KAT6B: variants seen among roughly 807,000 people sequenced by gnomAD.
KAT6B encodes the protein lysine acetyltransferase 6B.
Under a neutral mutation model 187.5 loss-of-function variants are expected in KAT6B, and 10 were observed. The observed-to-expected ratio is 0.05, with a 90% CI of 0.03 to 0.09. The LOEUF (loss-of-function observed/expected upper bound fraction) is 0.09, where lower values mean the gene tolerates loss of function less well. Ranked by LOEUF, KAT6B falls within the 10% of genes least tolerant of loss-of-function variation. KAT6B has a pLI of 1.00. For synonymous variants in KAT6B, 861 were observed against 926.8 expected (o/e 0.93, Z 1.29); for missense variants, 1,952 against 2,558.9 (o/e 0.76, Z 5.12).
At chr10:74,968,607 A>C (rs114694999) in intron 4 of KAT6B, among the ~76,000 whole-genome samples, 20 of 152,296 alleles carry the variant, frequency 1.3e-4, no homozygotes, top group African/African-American at 4.6e-4. Context: ...GAAATTGCAG[A>C]ATCTGCTTTT....
At position 74,970,087 on chromosome 10, in the gene KAT6B, C is replaced by A; in HGVS notation, c.914C>A (p.Ser305Tyr). 1 of 1,610,400 alleles carries A rather than the reference C, an allele frequency of 6.2e-7. No individual in the cohort carries two copies. The highest frequency in any genetic ancestry group is 8.5e-7 in the Non-Finnish European group (1 of 1,176,768). ...FHMECCDPPLSRMPKGMWICQ... is the reference protein window; with the variant it reads ...FHMECCDPPLYRMPKGMWICQ... ...ATGGAATGCTGTGACCCACCACTTT[C>A]CAGAATGCCAAAAGGTGAACTTCTA... is the stretch of plus-strand genomic sequence containing the variant. Residue 305 changes from serine (S) to tyrosine (Y), a missense_variant, in exon 6 of 18, where the codon TCC (serine) becomes TAC (tyrosine). Physicochemically the swap from Ser to Tyr is moderately radical, Grantham distance 144 (BLOSUM62 -2). Transcript: ENST00000287239.
intron 3 of KAT6B, among the ~76,000 whole-genome samples, chr10:74,874,787 A>G (rs1310615117): frequency 6.6e-5 from 10 of 151,850 alleles, no homozygotes; most frequent in African/African-American, 9.7e-5. Flanking sequence ...TGTGAGATCT[A>G]TGTTTTGTGT....
intron 3 of KAT6B, among the ~76,000 whole-genome samples, chr10:74,892,932 G>A (rs1183209762): frequency 1.3e-5 from 2 of 152,260 alleles, no homozygotes; most frequent in African/African-American, 4.8e-5. Context: ...AGTGTATGGA[G>A]AGAGGACAGC....
intron 3 of KAT6B, among the ~76,000 whole-genome samples, chr10:74,929,646 G>A (rs962428903): frequency 5.9e-5 from 9 of 152,122 alleles, no homozygotes; most frequent in African/African-American, 2.2e-4. Flanking sequence ...GTTAATTAAT[G>A]GGAAAATATA....
At chr10:74,892,208 A>G (rs1373105564) in intron 3 of KAT6B, among the ~76,000 whole-genome samples, 2 of 152,160 alleles carry the variant, frequency 1.3e-5, no homozygotes, top group African/African-American at 2.4e-5. Context: ...TCTCTACACA[A>G]AGTAAACAAA....
At chr10:74,839,334 G>A (rs1278989132) in intron 2 of KAT6B, among the ~76,000 whole-genome samples, 4 of 151,064 alleles carry the variant, frequency 2.6e-5, no homozygotes, top group African/African-American at 4.9e-5. Context: ...GGGTTCAAGC[G>A]ATTCTCCTGC....
At chr10:74,956,137 G>T (rs1437501097) in intron 3 of KAT6B, among the ~76,000 whole-genome samples, 1 of 152,158 alleles carries the variant, frequency 6.6e-6, no homozygotes, top group Non-Finnish European at 1.5e-5. Context: ...GCCCAGGTTG[G>T]TCCTGCCCTT....
chr10:74,981,290 G>GCTTT (rs199971378), intron 10 of KAT6B, among the ~76,000 whole-genome samples: 70 of 143,498 alleles, frequency 4.9e-4, no homozygotes, highest in Admixed American at 1.5e-3. Flanking sequence ...CTATTGGCTG[G>GCTTT]CTTTCTTTCT....
At chr10:74,976,721 C>G (rs1372433869) in intron 8 of KAT6B, 1 of 322,740 alleles carries the variant, frequency 3.1e-6, no homozygotes, top group Non-Finnish European at 5.9e-6. Context: ...GTGCTTCCAA[C>G]AGGGGGTGTT....
intron 16 of KAT6B, among the ~76,000 whole-genome samples, chr10:75,024,597 A>AGTCTGTGATGACCTTAAAT (rs1278928171): frequency 6.6e-6 from 1 of 152,238 alleles, no homozygotes; most frequent in Non-Finnish European, 1.5e-5. Context: ...AAGACATTAG[A>AGTCTGTGATGACCTTAAAT]GTCTGTGATG....
At chr10:74,971,884 T>C (rs1469256569) in intron 6 of KAT6B, among the ~76,000 whole-genome samples, 1 of 152,148 alleles carries the variant, frequency 6.6e-6, no homozygotes, top group East Asian at 1.9e-4. Flanking sequence ...ATCATGCTTA[T>C]TGAATCATTT....
intron 3 of KAT6B, among the ~76,000 whole-genome samples, chr10:74,940,583 TTTTTTTTTC>T (rs1849599883): frequency 2.7e-5 from 4 of 150,794 alleles, no homozygotes; most frequent in South Asian, 4.2e-4. Context: ...CTTTGTTTTT[TTTTTTTTTC>T]TTTCTTTAAA....
At chr10:74,850,825 T>C (rs79202110) in intron 3 of KAT6B, among the ~76,000 whole-genome samples, 1 of 152,332 alleles carries the variant, frequency 6.6e-6, no homozygotes, top group African/African-American at 2.4e-5. Context: ...AAAATCAGTT[T>C]AGTTCCATTT....
chr10:74,988,846 T>C (rs1164625797), intron 12 of KAT6B, among the ~76,000 whole-genome samples, 173 bp from the exon 13 acceptor site: 1 of 152,110 alleles, frequency 6.6e-6, no homozygotes, highest in Non-Finnish European at 1.5e-5. Context: ...GAGTCGATGG[T>C]TTGTTGTTAA....
rs1356577410 is a variant in KAT6B at position 75,028,526 on chromosome 10, C to A, written c.3702C>A (p.Gly1234=). ...MNDDSSNLKE[G]SKDNPEPLKC... is the part of the protein sequence containing the mutation. Reference sequence around the variant, plus strand: ...ATGATTCAAGTAACTTGAAAGAAGGCAGTAAAGACAATCCCGAACCTCTAA... The same window carrying A: ...ATGATTCAAGTAACTTGAAAGAAGGAAGTAAAGACAATCCCGAACCTCTAA... Residue 1234 remains glycine (G), a synonymous_variant, in exon 18 of 18, where the codon GGC becomes GGA. Coordinates refer to ENST00000287239, the MANE Select transcript of KAT6B (RefSeq NM_012330.4). 6.2e-7 allele frequency: 1 copy of A among 1,614,008 alleles called. No individual in the cohort carries two copies. The highest frequency in any genetic ancestry group is 8.5e-7 in the Non-Finnish European group (1 of 1,180,014).
At chr10:74,976,664 C>T (rs559855668) in intron 8 of KAT6B, 54 of 393,280 alleles carry the variant, frequency 1.4e-4, no homozygotes, top group African/African-American at 9.3e-4. Context: ...CATGCTCTCC[C>T]CCATGTCACC....
At chr10:74,878,148 C>G (rs1188425748) in intron 3 of KAT6B, among the ~76,000 whole-genome samples, 1 of 152,162 alleles carries the variant, frequency 6.6e-6, no homozygotes, top group Non-Finnish European at 1.5e-5. Flanking sequence ...TTGGGCATCT[C>G]AGATTTGCCT....
At chr10:74,902,114 C>T (rs1239548526) in intron 3 of KAT6B, among the ~76,000 whole-genome samples, 1 of 152,148 alleles carries the variant, frequency 6.6e-6, no homozygotes, top group Non-Finnish European at 1.5e-5. Flanking sequence ...TGTTGGCTCC[C>T]TCAATCTCTG....
At chr10:75,014,519 T>G (rs1844845730) in intron 13 of KAT6B, among the ~76,000 whole-genome samples, 1 of 152,204 alleles carries the variant, frequency 6.6e-6, no homozygotes, top group Admixed American at 6.5e-5. Flanking sequence ...TTAGATGAAT[T>G]AATAAATATT....
Sources: allele counts gnomAD v4.1 joint callset (sites outside exome capture counted in the v4.1 genomes callset), GRCh38; gene constraint gnomAD v4.1.1; transcripts MANE v1.5; gene names NCBI Gene and HGNC (gene_info 2026-07-23, HGNC 2026-07-21).